Variants in LRP2BP observed in about 807,000 individuals in gnomAD.
The protein encoded by LRP2BP is LRP2-binding protein.
Under a neutral mutation model 45.2 loss-of-function variants are expected in LRP2BP, and 38 were observed. The ratio of observed to expected loss-of-function variants is 0.84; its 90% CI spans 0.65 to 1.10. LRP2BP has a LOEUF of 1.10. Ranked by LOEUF, LRP2BP falls within the 50% of genes least tolerant of loss-of-function variation. LRP2BP has a pLI of 0.00. For missense variants in LRP2BP, 385 were observed against 418.9 expected, an observed-to-expected ratio of 0.92 and a Z score of 0.71; for synonymous variants, 153 against 153.9, an observed-to-expected ratio of 0.99 and a Z score of 0.04.
chr4:185,374,830 G>A (rs2095427743), intron 4 of LRP2BP, among the ~76,000 whole-genome samples: 1 of 152,064 alleles, frequency 6.6e-6, no homozygotes, highest in South Asian at 2.1e-4. Context: ...TGGAAGAATG[G>A]CCAGGAACAG....
rs76061756 is a variant in LRP2BP at position 185,378,712 on chromosome 4, T to A, written c.-21-505A>T. On this transcript the variant is annotated intron_variant, in intron 1 of 8. Transcript: ENST00000505916. ...CTGTCTGTATTGGATTGCCATGTTA[T>A]AAGATGGATCACAGTTGAATGGTAA... 3,939 of 986,176 alleles carry A rather than the reference T, an allele frequency of 4.0e-3. 135 individuals are homozygous for A. The African/African-American group carries it at 0.065, about 16-fold the overall frequency. 61.1% of individuals were successfully genotyped at this position (986,176 alleles called of 1,614,324 possible). A position where few individuals can be genotyped will look rare whatever the true frequency, so the allele number is the denominator to read the frequency against.
intron 1 of LRP2BP, among the ~76,000 whole-genome samples, chr4:185,388,962 G>A (rs905936255): frequency 1.7e-4 from 26 of 151,686 alleles, no homozygotes; most frequent in South Asian, 8.3e-4. Context: ...TGCAACCTCC[G>A]CCTCCTGGAT....
At position 185,394,855 on chromosome 4, in the gene LRP2BP, A is replaced by G. The variant is rs891713926; in HGVS notation, c.-98T>C. 29 of 985,312 alleles carry G rather than the reference A, an allele frequency of 2.9e-5. No homozygotes were observed. The highest frequency in any genetic ancestry group is 3.5e-5 in the Non-Finnish European group (29 of 829,922). The allele number at this position is 985,312 out of a possible 1,614,324, so 61.0% of individuals were successfully genotyped here. ...GGAAACGCATCTACCAGCAATTAAA[A>G]CATGTAGAATTAGCACTGCTTAGGA... On this transcript the variant is annotated 5_prime_UTR_variant, in exon 1 of 9. Transcript: ENST00000505916.
chr4:185,367,294 G>C, intron 8 of LRP2BP, 49 bp from the exon 9 acceptor site: 1 of 1,459,290 alleles, frequency 6.9e-7, no homozygotes, highest in South Asian at 1.3e-5. Flanking sequence ...AATTGTTTGG[G>C]TCTTTCTTCT....
rs571737797 is a variant in LRP2BP, at chr4:185,393,582, G to A, written c.-22+1197C>T. On this transcript the variant is annotated intron_variant, in intron 1 of 8. Coordinates refer to ENST00000505916, the MANE Select transcript of LRP2BP (RefSeq NM_001377440.1). ...CTCTTGTCACCCAGGCTGGAGTGCA[G>A]TGGCGCAATCTCGGCTCACTGCAAC... 2.7e-3 allele frequency among the ~76,000 whole-genome samples: 412 copies of A among 150,914 alleles called. 5 individuals are homozygous for A. The highest frequency in any genetic ancestry group is 7.8e-4 in the Non-Finnish European group (53 of 67,884).
Position 185,372,939 on chromosome 4 carries a change from G to A in LRP2BP, c.720C>T (p.Arg240=), listed in dbSNP as rs776846609. The change falls in exon 7 of 9, where the codon CGC becomes CGT. Residue 240 remains arginine, a synonymous_variant. Coordinates refer to ENST00000505916, the MANE Select transcript of LRP2BP (RefSeq NM_001377440.1). ...ALQCLREAAE[R]GNVYAQGNLV... ...GATTCCCTTGAGCATAGACGTTTCC[G>A]CGTTCTGCTGCTTCTCTTAAGCACT... The A allele has an allele frequency of 2.3e-5, 37 of 1,613,824 alleles. No homozygotes were observed. Among genetic ancestry groups the A allele is most frequent in the Non-Finnish European group, 2.9e-5 (34 of 1,179,790 alleles).
chr4:185,384,763 A>G (rs2126828808), intron 1 of LRP2BP, among the ~76,000 whole-genome samples: 1 of 151,572 alleles, frequency 6.6e-6, no homozygotes, highest in African/African-American at 2.4e-5. Flanking sequence ...TAGTGTTCAT[A>G]TAGTAATTGG....
At chr4:185,390,695 G>A (rs2095486053) in intron 1 of LRP2BP, 2 of 152,138 alleles carry the variant, frequency 1.3e-5, no homozygotes, top group African/African-American at 2.4e-5. Flanking sequence ...ATGGGCAGTC[G>A]GCACGTCTTA....
chr4:185,390,799 A>C (rs2095486429), intron 1 of LRP2BP: 1 of 152,182 alleles, frequency 6.6e-6, no homozygotes, highest in Admixed American at 6.5e-5. Flanking sequence ...CTCTTTTTTG[A>C]AGTACACTTT....
At position 185,395,235 on chromosome 4, in the gene LRP2BP, C is replaced by G. The variant is rs1364524418; in HGVS notation, c.-478G>C. On this transcript the variant is annotated 5_prime_UTR_variant, in exon 1 of 9. Coordinates refer to ENST00000505916, the MANE Select transcript of LRP2BP (RefSeq NM_001377440.1). Reference sequence around the variant, plus strand: ...AAAAATAACTACCACTTAATGCATACTGAACAGAATCTTGTTTCAAAGAAA... The same window carrying G: ...AAAAATAACTACCACTTAATGCATAGTGAACAGAATCTTGTTTCAAAGAAA... 1.0e-6 allele frequency: 1 copy of G among 985,262 alleles called. No individual in the cohort carries two copies. Among genetic ancestry groups the G allele is most frequent in the Non-Finnish European group, 1.2e-6 (1 of 829,924 alleles). 61.0% of individuals were successfully genotyped at this position (985,262 alleles called of 1,614,324 possible).
chr4:185,376,039 ACAGT>A (rs569481033), intron 3 of LRP2BP, among the ~76,000 whole-genome samples: 108 of 152,306 alleles, frequency 7.1e-4, no homozygotes, highest in African/African-American at 2.4e-3. Flanking sequence ...ATGGTGAAAG[ACAGT>A]CAGTCCCTTT....
upstream of LRP2BP, chr4:185,397,075 G>A (rs1580033485): frequency 1.2e-6 from 2 of 1,609,968 alleles, no homozygotes; most frequent in East Asian, 4.5e-5. Context: ...GTGAAGGGCG[G>A]GGAGGTTTCC....
At chr4:185,389,901 G>A (rs1370908998) in intron 1 of LRP2BP, among the ~76,000 whole-genome samples, 1 of 152,056 alleles carries the variant, frequency 6.6e-6, no homozygotes, top group Non-Finnish European at 1.5e-5. Context: ...TACCCAAAAC[G>A]TGTAAAAAAA....
chr4:185,378,032 G>T, intron 2 of LRP2BP, 49 bp downstream of exon 2: 1 of 1,432,782 alleles, frequency 7.0e-7, no homozygotes, highest in Non-Finnish European at 9.7e-7. Context: ...CATGCAAAAT[G>T]AACTGTTAAA....
chr4:185,395,196 GT>G lies in LRP2BP; in HGVS notation c.-440del. On this transcript the variant is annotated 5_prime_UTR_variant, in exon 1 of 9. Transcript: ENST00000505916. ...TCCTTTCCTTATGAAATTTACGTAT[GT>G]AACAGGAAGTTAAAAAATAACTACC... The G allele has an allele frequency of 1.2e-5, 12 of 985,350 alleles. No individual in the cohort carries two copies. The highest frequency in any genetic ancestry group is 1.4e-5 in the Non-Finnish European group (12 of 829,886). 61.0% of individuals were successfully genotyped at this position (985,350 alleles called of 1,614,324 possible).
At chr4:185,383,000 A>AGGG (rs543239108) in intron 1 of LRP2BP, among the ~76,000 whole-genome samples, 113 of 152,280 alleles carry the variant, frequency 7.4e-4, no homozygotes, top group African/African-American at 2.6e-3. Context: ...TGTATGAGGG[A>AGGG]AAGGTCCAAA....
In LRP2BP at chr4:185,372,952, T is replaced by C. The variant is rs763063463; in HGVS notation, c.707A>G (p.Glu236Gly). 1 of 1,613,992 alleles carries C rather than the reference T, an allele frequency of 6.2e-7. No homozygotes were observed. The highest frequency in any genetic ancestry group is 8.5e-7 in the Non-Finnish European group (1 of 1,179,850). ...ATAGACGTTTCCGCGTTCTGCTGCT[T>C]CTCTTAAGCACTGCAGGGCAGCTTC... ...DTEAALQCLR[E>G]AAERGNVYAQ... Residue 236 changes from glutamate to glycine, a missense_variant, in exon 7 of 9, where the codon GAA becomes GGA. Glu to Gly is a moderately conservative substitution (Grantham distance 98). Transcript: ENST00000505916.
intron 1 of LRP2BP, among the ~76,000 whole-genome samples, chr4:185,387,231 TCAAA>T (rs577406273): frequency 4.1e-4 from 63 of 152,260 alleles, no homozygotes; most frequent in South Asian, 2.3e-3. Flanking sequence ...AGACTCAGTC[TCAAA>T]CAAACCAACA....
chr4:185,379,036 G>T (rs532177202), intron 1 of LRP2BP: 9 of 924,722 alleles, frequency 9.7e-6, no homozygotes, highest in Non-Finnish European at 1.0e-5. Context: ...AGAATGAAGT[G>T]CAGAAAAAAG....
Sources: allele counts gnomAD v4.1 joint callset (sites outside exome capture counted in the v4.1 genomes callset), GRCh38; gene constraint gnomAD v4.1.1; transcripts MANE v1.5; gene names NCBI Gene and HGNC (gene_info 2026-07-23, HGNC 2026-07-21).